Variants in PSD3 observed in about 807,000 individuals in gnomAD.
PSD3 encodes pleckstrin and Sec7 domain containing 3, also known as PH and SEC7 domain-containing protein 3.
PSD3 carries 49 observed loss-of-function variants against 105.5 expected under a neutral mutation model. That is an observed-to-expected ratio of 0.46 (90% CI 0.37 to 0.59). The LOEUF (loss-of-function observed/expected upper bound fraction) is 0.59. Ranked by LOEUF, PSD3 falls within the 20% of genes least tolerant of loss-of-function variation. The pLI, the probability that PSD3 is intolerant of heterozygous loss-of-function variation, is 0.00. For synonymous variants in PSD3, 557 were observed against 457.8 expected, an observed-to-expected ratio of 1.22 and a Z score of -2.77; for missense variants, 1,561 against 1,263.8, an observed-to-expected ratio of 1.24 and a Z score of -3.57.
chr8:19,068,289 C>CTT (rs535166488), intron 1 of PSD3, among the ~76,000 whole-genome samples: 4 of 144,696 alleles, frequency 2.8e-5, no homozygotes, highest in Non-Finnish European at 4.6e-5. Context: ...TCTTCCTCCT[C>CTT]TTTTTTTTTT....
At chr8:18,969,182 T>G (rs1015746455) in intron 1 of PSD3, among the ~76,000 whole-genome samples, 1 of 152,212 alleles carries the variant, frequency 6.6e-6, no homozygotes, top group African/African-American at 2.4e-5. Context: ...TGACTTACCT[T>G]ACTGGAATCT....
intron 10 of PSD3, among the ~76,000 whole-genome samples, chr8:18,638,542 A>G (rs530216571): frequency 8.2e-6 from 1 of 121,388 alleles, no homozygotes; most frequent in South Asian, 2.9e-4. Flanking sequence ...CATTAAAAAC[A>G]AACAAACAAA....
At chr8:18,774,583 C>T (rs6586764) in intron 8 of PSD3, 94,284 of 372,446 alleles carry the variant, frequency 0.25, 12,476 homozygotes, top group South Asian at 0.3. Context: ...GTTGGTACAG[C>T]CTGTTCCTGC....
chr8:18,671,384 G>C (rs1416985960), intron 9 of PSD3, among the ~76,000 whole-genome samples: 3 of 152,114 alleles, frequency 2.0e-5, no homozygotes, highest in Non-Finnish European at 4.4e-5. Context: ...ACTAAAAATT[G>C]TCTAAAATTA....
intron 12 of PSD3, among the ~76,000 whole-genome samples, chr8:18,586,196 C>G (rs1161918020): frequency 6.6e-6 from 1 of 152,114 alleles, no homozygotes; most frequent in Non-Finnish European, 1.5e-5. Context: ...TGGCCAAAAA[C>G]CTTTGCAACA....
At position 18,907,549 on chromosome 8, in the gene PSD3, T is replaced by C. The variant is rs141431370; in HGVS notation, c.130+28485A>G. Among the ~76,000 whole-genome samples, 30 of 152,338 alleles carry C rather than the reference T, an allele frequency of 2.0e-4. No individual in the cohort carries two copies. The East Asian group carries it at 5.8e-3, about 29-fold the overall frequency. On this transcript the variant is annotated intron_variant, in intron 2 of 15. Transcript: ENST00000327040. ...TGTTTTGACATACAAATACTTACCA[T>C]TGTGTTACAACTGTCTACTGCATTA...
chr8:18,603,580 TAAC>T (rs1278898156), intron 11 of PSD3, among the ~76,000 whole-genome samples: 1 of 152,250 alleles, frequency 6.6e-6, no homozygotes, highest in Non-Finnish European at 1.5e-5. Context: ...ATCTTTTGGC[TAAC>T]ACCATTGTTG....
At chr8:18,767,113 A>G (rs2129443876) in intron 8 of PSD3, among the ~76,000 whole-genome samples, 1 of 152,362 alleles carries the variant, frequency 6.6e-6, no homozygotes, top group Admixed American at 6.5e-5. Context: ...AGACCCATGG[A>G]AAATTATCTC....
chr8:19,038,089 C>T (rs988773876), intron 1 of PSD3, among the ~76,000 whole-genome samples: 18 of 151,988 alleles, frequency 1.2e-4, no homozygotes, highest in Admixed American at 9.8e-4. Context: ...ATCCTTAGCC[C>T]TGTGCAGTGC....
At chr8:18,833,457 A>G (rs1168939907) in intron 4 of PSD3, among the ~76,000 whole-genome samples, 1 of 152,234 alleles carries the variant, frequency 6.6e-6, no homozygotes, top group Admixed American at 6.5e-5. Context: ...AATATGTGAC[A>G]TGCCATCTTA....
intron 1 of PSD3, among the ~76,000 whole-genome samples, chr8:18,960,178 C>T (rs17384535): frequency 0.41 from 61,751 of 152,078 alleles, 12,763 homozygotes; most frequent in African/African-American, 0.43. Context: ...TCTCTGAATT[C>T]TCATCATTTA....
chr8:18,980,429 C>T (rs1825192319), intron 1 of PSD3, among the ~76,000 whole-genome samples: 1 of 152,120 alleles, frequency 6.6e-6, no homozygotes, highest in Non-Finnish European at 1.5e-5. Context: ...GTGAAAGTAG[C>T]ACCTAGTTGG....
chr8:18,726,196 A>G (rs964144136), intron 9 of PSD3, among the ~76,000 whole-genome samples: 3 of 152,194 alleles, frequency 2.0e-5, no homozygotes, highest in Non-Finnish European at 4.4e-5. Context: ...AAATCATATG[A>G]ATCACTGGCC....
At chr8:18,768,125 A>G (rs1301321910) in intron 8 of PSD3, among the ~76,000 whole-genome samples, 1 of 149,650 alleles carries the variant, frequency 6.7e-6, no homozygotes, top group African/African-American at 2.4e-5. Flanking sequence ...ACAAAAAAAA[A>G]AAAAAAAAAA....
At chr8:19,004,721 C>T (rs895558081) in intron 1 of PSD3, among the ~76,000 whole-genome samples, 2 of 152,046 alleles carry the variant, frequency 1.3e-5, no homozygotes, top group Non-Finnish European at 2.9e-5. Context: ...TCGGAACTCC[C>T]ACAATTCCCA....
chr8:18,966,379 G>A (rs1824245219), intron 1 of PSD3, among the ~76,000 whole-genome samples: 1 of 151,954 alleles, frequency 6.6e-6, no homozygotes, highest in Admixed American at 6.6e-5. Context: ...AGAACAGCCT[G>A]GCCAACACTG....
At chr8:18,950,653 T>C (rs1226541741) in intron 1 of PSD3, among the ~76,000 whole-genome samples, 3 of 152,182 alleles carry the variant, frequency 2.0e-5, no homozygotes, top group Admixed American at 6.5e-5. Context: ...GCCCAGCTTA[T>C]TTCCTTTTCA....
chr8:18,585,549 C>T (rs974569043), intron 12 of PSD3, among the ~76,000 whole-genome samples: 5 of 152,120 alleles, frequency 3.3e-5, no homozygotes, highest in Non-Finnish European at 7.4e-5. Context: ...AACCCTTGGG[C>T]TTAAGCAATC....
intron 11 of PSD3, among the ~76,000 whole-genome samples, chr8:18,626,080 G>A (rs1408611754): frequency 1.1e-4 from 16 of 152,036 alleles, no homozygotes; most frequent in Non-Finnish European, 2.1e-4. Flanking sequence ...CTTAATGTCA[G>A]ATTTAATAGG....
Sources: allele counts gnomAD v4.1 joint callset (sites outside exome capture counted in the v4.1 genomes callset), GRCh38; gene constraint gnomAD v4.1.1; transcripts MANE v1.5; gene names NCBI Gene and HGNC (gene_info 2026-07-23, HGNC 2026-07-21).